The following NAV3 variants were observed in gnomAD, a reference collection of about 807,000 sequenced individuals.
NAV3 encodes the protein pore membrane and/or filament interacting like protein 1.
In NAV3, 87 loss-of-function variants were observed where a neutral mutation model predicts 244.7. The observed-to-expected ratio is 0.36, with a 90% CI of 0.30 to 0.42. The LOEUF is 0.42. NAV3 is among the 20% of genes least tolerant of loss of function. The probability of loss-of-function intolerance (pLI) is 1.00; values close to 1 mark genes in which losing one functional copy is unlikely to be tolerated. For missense variants in NAV3, 2,663 were observed against 2,893.3 expected, an observed-to-expected ratio of 0.92 and a Z score of 1.83; for synonymous variants, 1,126 against 1,042.2, an observed-to-expected ratio of 1.08 and a Z score of -1.55.
At chr12:77,990,221 G>C (rs1871216720) in intron 5 of NAV3, among the ~76,000 whole-genome samples, 1 of 152,152 alleles carries the variant, frequency 6.6e-6, no homozygotes, top group African/African-American at 2.4e-5. Flanking sequence ...TGGGAGATCA[G>C]TCTCAAATTC....
At chr12:77,878,022 A>C (rs995829824) in intron 1 of NAV3, among the ~76,000 whole-genome samples, 1 of 152,138 alleles carries the variant, frequency 6.6e-6, no homozygotes, top group African/African-American at 2.4e-5. Flanking sequence ...GCATTCTACA[A>C]AATATCTAAC....
At chr12:78,021,313 AT>A (rs1239728686) in intron 8 of NAV3, among the ~76,000 whole-genome samples, 1 of 152,036 alleles carries the variant, frequency 6.6e-6, no homozygotes, top group East Asian at 1.9e-4. Flanking sequence ...GAACAAAATT[AT>A]TTTTTATTTT....
intron 2 of NAV3, among the ~76,000 whole-genome samples, chr12:77,634,969 C>G (rs1325336207): frequency 6.6e-6 from 1 of 152,016 alleles, no homozygotes; most frequent in African/African-American, 2.4e-5. Flanking sequence ...TGGCTCATGC[C>G]TGTAATCCTG....
intron 1 of NAV3, among the ~76,000 whole-genome samples, chr12:77,837,275 A>G (rs904320081): frequency 1.3e-5 from 2 of 151,620 alleles, no homozygotes; most frequent in African/African-American, 2.4e-5. Flanking sequence ...TTTTCCTCAA[A>G]AGGGAAGTAA....
chr12:78,133,218 G>T (rs1565700331), intron 18 of NAV3, among the ~76,000 whole-genome samples: 1 of 151,948 alleles, frequency 6.6e-6, no homozygotes, highest in Non-Finnish European at 1.5e-5. Flanking sequence ...TTCAAATCAG[G>T]CATTTTGAGA....
intron 1 of NAV3, among the ~76,000 whole-genome samples, chr12:77,940,068 G>A (rs1363833895): frequency 6.6e-6 from 1 of 152,170 alleles, no homozygotes; most frequent in Non-Finnish European, 1.5e-5. Flanking sequence ...CATCCCAGAG[G>A]GAAGTTTTGC....
intron 22 of NAV3, among the ~76,000 whole-genome samples, chr12:78,157,763 T>C (rs1186512298): frequency 2.6e-5 from 4 of 151,488 alleles, no homozygotes; most frequent in African/African-American, 4.9e-5. Context: ...GGTAAGGGTA[T>C]GTGGAGAGTG....
rs1241435051 is a variant in NAV3, at chr12:77,706,895, CA to C, written c.72+134642del. 1.8e-3 allele frequency among the ~76,000 whole-genome samples: 185 copies of C among 100,212 alleles called. 2 individuals are homozygous for C. Among genetic ancestry groups the C allele is most frequent in the Middle Eastern group, 5.0e-3 (1 of 200 alleles). 65.7% of individuals were successfully genotyped at this position (100,212 alleles called of 152,430 possible). The stretch of plus-strand genomic sequence containing the variant: ...CAAAAAAAAAAAAAAAAAAAAAAAC[CA>C]AAAAAAAAAAAACTAGGAAAAAAAG... On this transcript the variant is annotated intron_variant, in intron 2 of 8. Transcript: ENST00000550042.
At chr12:78,075,006 G>T (rs890849748) in intron 12 of NAV3, among the ~76,000 whole-genome samples, 1 of 152,142 alleles carries the variant, frequency 6.6e-6, no homozygotes, top group African/African-American at 2.4e-5. Flanking sequence ...ACAGTTGAGG[G>T]CTGAACACAG....
In NAV3 at chr12:78,021,730, T is replaced by C. The variant is rs1877184025; in HGVS notation, c.1908-17T>C. On this transcript the variant is annotated splice_polypyrimidine_tract_variant and intron_variant, in intron 8 of 39. Coordinates refer to ENST00000397909, the MANE Select transcript of NAV3 (RefSeq NM_001024383.2). ...ACTATAACTGCTATTTCTTTCTATTTTCATGGTTAATTTCAGGGCACATTC... is the reference window on the plus strand; with the variant it reads ...ACTATAACTGCTATTTCTTTCTATTCTCATGGTTAATTTCAGGGCACATTC... 2 of 1,569,728 alleles carry C rather than the reference T, an allele frequency of 1.3e-6. No individual in the cohort carries two copies. Among genetic ancestry groups the C allele is most frequent in the African/African-American group, 1.4e-5 (1 of 73,876 alleles).
At chr12:77,878,682 AC>A (rs1376339612) in intron 1 of NAV3, among the ~76,000 whole-genome samples, 7 of 151,724 alleles carry the variant, frequency 4.6e-5, no homozygotes, top group African/African-American at 1.2e-4. Context: ...AAAAAAAAAA[AC>A]AAGGTCTTTT....
intron 2 of NAV3, among the ~76,000 whole-genome samples, chr12:77,671,501 T>C (rs1873971819): frequency 6.6e-6 from 1 of 152,140 alleles, no homozygotes; most frequent in Admixed American, 6.6e-5. Context: ...TCATATTACC[T>C]GACTTCAAAC....
At chr12:78,000,597 G>A (rs1385175014) in intron 7 of NAV3, among the ~76,000 whole-genome samples, 3 of 136,926 alleles carry the variant, frequency 2.2e-5, no homozygotes, top group South Asian at 4.8e-4. Context: ...TCCGCCTCCC[G>A]GGTTCACGCC....
In NAV3 at chr12:77,981,724, CCT is replaced by C. The variant is rs755010991; in HGVS notation, c.671+13023_671+13024del. 2.1e-4 allele frequency among the ~76,000 whole-genome samples: 32 copies of C among 151,912 alleles called. No individual in the cohort carries two copies. In the East Asian group the frequency reaches 5.4e-3, roughly 26 times the overall value. On this transcript the variant is annotated intron_variant, in intron 5 of 39. Coordinates refer to ENST00000397909, the MANE Select transcript of NAV3 (RefSeq NM_001024383.2). ...AGAAAAAATTGGGAGGTAAAAATTG[CCT>C]ACTAAAACTCAAACCCAAGAAATGC...
intron 3 of NAV3, among the ~76,000 whole-genome samples, chr12:77,959,777 A>G (rs1257726837): frequency 6.6e-6 from 1 of 151,796 alleles, no homozygotes; most frequent in Non-Finnish European, 1.5e-5. Flanking sequence ...CTAAATGTTA[A>G]TTAAAAGCTC....
chr12:78,162,275 A>C (rs763528133), intron 23 of NAV3, among the ~76,000 whole-genome samples: 3 of 152,104 alleles, frequency 2.0e-5, no homozygotes, highest in Non-Finnish European at 4.4e-5. Flanking sequence ...TATAGAGCAG[A>C]GATTCTTAAA....
intron 9 of NAV3, among the ~76,000 whole-genome samples, chr12:78,034,666 C>T (rs1879553019): frequency 6.6e-6 from 1 of 152,126 alleles, no homozygotes; most frequent in African/African-American, 2.4e-5. Context: ...AGCATATATA[C>T]TAGTGTAACA....
chr12:78,107,065 C>T (rs1366547530), intron 12 of NAV3, among the ~76,000 whole-genome samples: 1 of 152,086 alleles, frequency 6.6e-6, no homozygotes, highest in Non-Finnish European at 1.5e-5. Context: ...AAAATTTTCC[C>T]ATATGAAAGC....
At chr12:78,144,045 C>A (rs1956749630) in intron 20 of NAV3, among the ~76,000 whole-genome samples, 1 of 152,018 alleles carries the variant, frequency 6.6e-6, no homozygotes, top group Non-Finnish European at 1.5e-5. Flanking sequence ...ACTTCAAGTC[C>A]ATTTATTCTT....
Sources: allele counts gnomAD v4.1 joint callset (sites outside exome capture counted in the v4.1 genomes callset), GRCh38; gene constraint gnomAD v4.1.1; transcripts MANE v1.5; gene names NCBI Gene and HGNC (gene_info 2026-07-23, HGNC 2026-07-21).